CCDC171: variants seen among roughly 807,000 people sequenced by gnomAD.
CCDC171 encodes coiled-coil domain-containing protein 171.
Under a neutral mutation model 168.2 loss-of-function variants are expected in CCDC171, and 177 were observed. That is an observed-to-expected ratio of 1.05 (90% CI 0.93 to 1.19). CCDC171 has a LOEUF of 1.19. CCDC171 is among the 50% of genes most tolerant of loss of function. The pLI, the probability that CCDC171 is intolerant of heterozygous loss-of-function variation, is 0.00. For missense variants in CCDC171, 1,991 were observed against 1,539.0 expected (o/e 1.29, Z -4.91); for synonymous variants, 687 against 540.8 (o/e 1.27, Z -3.75).
At chr9:15,651,290 G>C (rs2047498786) in intron 7 of CCDC171, among the ~76,000 whole-genome samples, 1 of 151,956 alleles carries the variant, frequency 6.6e-6, no homozygotes, top group East Asian at 1.9e-4. Context: ...TGTATTTTTA[G>C]TAGAGACAGG....
downstream of CCDC171, among the ~76,000 whole-genome samples, chr9:15,978,544 G>T (rs1161082267): frequency 6.6e-6 from 1 of 152,080 alleles, no homozygotes; most frequent in Non-Finnish European, 1.5e-5. Context: ...CAATTTTGAG[G>T]AAGTCCAACG....
intron 18 of CCDC171, among the ~76,000 whole-genome samples, chr9:15,757,247 A>G (rs112492862): frequency 6.6e-6 from 1 of 152,176 alleles, no homozygotes; most frequent in Non-Finnish European, 1.5e-5. Flanking sequence ...CAAAAGTCTG[A>G]TAGATATATG....
intron 7 of CCDC171, among the ~76,000 whole-genome samples, chr9:15,651,560 A>G (rs542450411): frequency 6.6e-6 from 1 of 152,118 alleles, no homozygotes; most frequent in East Asian, 1.9e-4. Flanking sequence ...CCCAGCCGAG[A>G]TTAACTTTTT....
chr9:15,735,173 G>T (rs961208771), intron 16 of CCDC171, among the ~76,000 whole-genome samples: 1 of 152,176 alleles, frequency 6.6e-6, no homozygotes, highest in East Asian at 1.9e-4. Context: ...AGAGAAGGCA[G>T]ACTGGTTTTA....
chr9:16,040,789 G>C (rs1269692837), upstream of CCDC171, among the ~76,000 whole-genome samples: 1 of 152,170 alleles, frequency 6.6e-6, no homozygotes, highest in Non-Finnish European at 1.5e-5. Flanking sequence ...ATGCTATGTG[G>C]CTTTAAAATT....
At chr9:16,069,239 T>C in the CCDC171 span, among the ~76,000 whole-genome samples, 1 of 152,246 alleles carries the variant, frequency 6.6e-6, no homozygotes, top group Non-Finnish European at 1.5e-5. Flanking sequence ...TCTGAGTGGC[T>C]TGGTATATGT....
At chr9:15,589,382 C>G (rs1336866939) in intron 4 of CCDC171, among the ~76,000 whole-genome samples, 1 of 152,194 alleles carries the variant, frequency 6.6e-6, no homozygotes, top group East Asian at 1.9e-4. Flanking sequence ...TGAGATGGCA[C>G]TCCTCAAAAT....
chr9:16,025,815 A>T (rs76526101), intron 6 of CCDC171, among the ~76,000 whole-genome samples: 1 of 152,280 alleles, frequency 6.6e-6, no homozygotes, highest in Admixed American at 6.5e-5. Flanking sequence ...ATGACTGCCA[A>T]TGGGTGTGGG....
At chr9:16,004,346 G>C (rs187202107) in intron 3 of CCDC171, among the ~76,000 whole-genome samples, 1 of 152,158 alleles carries the variant, frequency 6.6e-6, no homozygotes, top group Admixed American at 6.6e-5. Flanking sequence ...AAGAAAGAAA[G>C]ATGATTTTTT....
intron 1 of CCDC171, among the ~76,000 whole-genome samples, chr9:15,559,871 G>A (rs775417079): frequency 6.6e-6 from 1 of 152,038 alleles, no homozygotes; most frequent in Non-Finnish European, 1.5e-5. Flanking sequence ...GGCTGGTACC[G>A]GTTGTTCCTT....
chr9:15,956,853 A>G (rs1278996327), intron 25 of CCDC171, among the ~76,000 whole-genome samples: 1 of 152,060 alleles, frequency 6.6e-6, no homozygotes, highest in Non-Finnish European at 1.5e-5. Context: ...TACTTGTCAG[A>G]TGCCCCTTTT....
At chr9:15,847,314 T>C (rs1052745908) in intron 22 of CCDC171, among the ~76,000 whole-genome samples, 3 of 152,076 alleles carry the variant, frequency 2.0e-5, no homozygotes, top group Non-Finnish European at 4.4e-5. Context: ...ATTTAAAAAA[T>C]ACAATAAAAC....
chr9:16,002,274 C>T (rs1423326882), intron 3 of CCDC171, among the ~76,000 whole-genome samples: 1 of 150,432 alleles, frequency 6.6e-6, no homozygotes, highest in Non-Finnish European at 1.5e-5. Flanking sequence ...TAGGAGATGA[C>T]AAGTCAATGT....
chr9:15,700,394 C>T (rs767744716), intron 11 of CCDC171, among the ~76,000 whole-genome samples: 2 of 152,320 alleles, frequency 1.3e-5, no homozygotes, highest in South Asian at 2.1e-4. Flanking sequence ...AAGCGCTGCG[C>T]GCAGCCCCGG....
chr9:15,692,863 A>T (rs973772134), intron 10 of CCDC171, among the ~76,000 whole-genome samples: 1 of 144,594 alleles, frequency 6.9e-6, no homozygotes, highest in African/African-American at 2.5e-5. Flanking sequence ...TAGGCCGGGC[A>T]TGGTGGCTCA....
At chr9:16,073,876 T>C in the CCDC171 span, among the ~76,000 whole-genome samples, 5 of 152,170 alleles carry the variant, frequency 3.3e-5, no homozygotes, top group African/African-American at 1.2e-4. Context: ...GTAAACAAAG[T>C]AGAGAAGGGA....
chr9:15,879,481 A>G (rs568072597), intron 24 of CCDC171, among the ~76,000 whole-genome samples: 1 of 152,274 alleles, frequency 6.6e-6, no homozygotes. Flanking sequence ...AATATACAAT[A>G]AATTATTGTT....
intron 16 of CCDC171, among the ~76,000 whole-genome samples, chr9:15,738,878 A>G (rs1054276228): frequency 6.6e-6 from 1 of 152,092 alleles, no homozygotes; most frequent in Non-Finnish European, 1.5e-5. Context: ...TTAATTGGGC[A>G]TTTATTCAGT....
downstream of CCDC171, among the ~76,000 whole-genome samples, chr9:16,065,522 A>C (rs917325231): frequency 8.5e-5 from 13 of 152,200 alleles, no homozygotes; most frequent in African/African-American, 3.1e-4. Flanking sequence ...GGTGAGCTGA[A>C]GTGGAGGAAG....
Sources: allele counts gnomAD v4.1 joint callset (sites outside exome capture counted in the v4.1 genomes callset), GRCh38; gene constraint gnomAD v4.1.1; transcripts MANE v1.5; gene names NCBI Gene and HGNC (gene_info 2026-07-23, HGNC 2026-07-21).